Variants in CHST8 observed in about 807,000 individuals in gnomAD.
CHST8 encodes carbohydrate sulfotransferase 8, also known as GALNAC-4-ST1.
A neutral mutation model predicts 15.0 loss-of-function variants in CHST8; 10 were observed. The ratio of observed to expected loss-of-function variants is 0.67; its 90% CI spans 0.41 to 1.13. The LOEUF is 1.13. Among genes scored for constraint, CHST8 ranks in the 50% most tolerant of loss-of-function variants. The probability of loss-of-function intolerance (pLI) is 0.00; values close to 1 mark genes in which losing one functional copy is unlikely to be tolerated. For missense variants in CHST8, 634 were observed against 608.2 expected (o/e 1.04, Z -0.45); for synonymous variants, 259 against 256.6 (o/e 1.01, Z -0.09).
chr19:33,677,571 C>G (rs1972826430), intron 2 of CHST8, among the ~76,000 whole-genome samples: 1 of 152,206 alleles, frequency 6.6e-6, no homozygotes, highest in South Asian at 2.1e-4. Flanking sequence ...TCCTCCACCC[C>G]AGGGCAGCAT....
intron 3 of CHST8, among the ~76,000 whole-genome samples, chr19:33,710,064 T>G (rs776271781): frequency 3.3e-5 from 5 of 152,224 alleles, no homozygotes; most frequent in Admixed American, 1.3e-4. Context: ...CTCTAGTAAT[T>G]TATGTCTTTC....
intron 3 of CHST8, among the ~76,000 whole-genome samples, chr19:33,754,142 T>C (rs903917446): frequency 7.4e-6 from 1 of 134,746 alleles, no homozygotes; most frequent in South Asian, 2.8e-4. Context: ...CTACCTGACA[T>C]CAGTGTGCCC....
At chr19:33,709,177 C>A (rs950881715) in intron 3 of CHST8, among the ~76,000 whole-genome samples, 3 of 152,344 alleles carry the variant, frequency 2.0e-5, no homozygotes, top group Admixed American at 2.0e-4. Flanking sequence ...GAGATGTTTA[C>A]ATCGTCATTT....
At chr19:33,753,037 A>AG (rs936662038) in intron 3 of CHST8, among the ~76,000 whole-genome samples, 1 of 152,118 alleles carries the variant, frequency 6.6e-6, no homozygotes. Flanking sequence ...CCCTGCAGCC[A>AG]GGGGGGTGCA....
intron 1 of CHST8, among the ~76,000 whole-genome samples, chr19:33,659,058 A>AATTTT (rs1972550375): frequency 1.1e-5 from 1 of 87,842 alleles, no homozygotes; most frequent in African/African-American, 5.2e-5. Flanking sequence ...TTAGGTAATG[A>AATTTT]CTTTTTTTTT....
At chr19:33,676,230 T>C (rs1179972007) in intron 2 of CHST8, among the ~76,000 whole-genome samples, 1 of 152,232 alleles carries the variant, frequency 6.6e-6, no homozygotes, top group Non-Finnish European at 1.5e-5. Context: ...AATTGGAAGG[T>C]CTAAAGGTCT....
At chr19:33,691,251 A>C (rs1201992553) in intron 3 of CHST8, among the ~76,000 whole-genome samples, 2 of 152,186 alleles carry the variant, frequency 1.3e-5, no homozygotes, top group Admixed American at 1.3e-4. Context: ...TCAGGCTGGC[A>C]GGGGATGTCA....
chr19:33,723,239 T>C (rs1973835080), intron 3 of CHST8, among the ~76,000 whole-genome samples: 1 of 152,182 alleles, frequency 6.6e-6, no homozygotes, highest in East Asian at 1.9e-4. Context: ...TGAGTATTTG[T>C]TTGAGAATGT....
chr19:33,712,711 A>G (rs1973580402), intron 3 of CHST8, among the ~76,000 whole-genome samples: 1 of 152,114 alleles, frequency 6.6e-6, no homozygotes, highest in Admixed American at 6.5e-5. Flanking sequence ...ACAGGAGCCT[A>G]AGGGTGGGAG....
intron 2 of CHST8, among the ~76,000 whole-genome samples, chr19:33,682,283 C>G (rs1273577230): frequency 6.7e-6 from 1 of 150,186 alleles, no homozygotes; most frequent in Non-Finnish European, 1.5e-5. Context: ...ACCTCTGCCT[C>G]CCAGGTTCAA....
chr19:33,667,221 A>G (rs1022804761), intron 1 of CHST8, among the ~76,000 whole-genome samples: 4 of 152,126 alleles, frequency 2.6e-5, no homozygotes, highest in African/African-American at 9.7e-5. Flanking sequence ...CCACAAGTGG[A>G]TGTTGCCCAG....
At chr19:33,678,685 G>T (rs1239767915) in intron 2 of CHST8, among the ~76,000 whole-genome samples, 1 of 152,174 alleles carries the variant, frequency 6.6e-6, no homozygotes, top group African/African-American at 2.4e-5. Context: ...GCTGCAGTGA[G>T]CCATGATTGC....
intron 1 of CHST8, among the ~76,000 whole-genome samples, chr19:33,640,498 T>C (rs975652520): frequency 2.0e-5 from 3 of 152,224 alleles, no homozygotes; most frequent in African/African-American, 7.2e-5. Flanking sequence ...CTCTGTGGCC[T>C]TGAGAGCCCA....
intron 1 of CHST8, among the ~76,000 whole-genome samples, chr19:33,643,441 G>C (rs1972309183): frequency 6.6e-6 from 1 of 152,196 alleles, no homozygotes; most frequent in Non-Finnish European, 1.5e-5. Context: ...CCGTGTTCTG[G>C]AGGCAGCCAC....
chr19:33,640,473 C>T (rs893229969), intron 1 of CHST8, among the ~76,000 whole-genome samples: 16 of 152,274 alleles, frequency 1.1e-4, no homozygotes, highest in African/African-American at 3.6e-4. Flanking sequence ...TCCCCGACCT[C>T]TCACTCACCT....
At chr19:33,679,369 T>A (rs770824528) in intron 2 of CHST8, among the ~76,000 whole-genome samples, 1 of 152,160 alleles carries the variant, frequency 6.6e-6, no homozygotes, top group Non-Finnish European at 1.5e-5. Flanking sequence ...GCAGCTCAGG[T>A]GGGGAGAGAT....
At chr19:33,640,093 C>T (rs1226034831) in intron 1 of CHST8, among the ~76,000 whole-genome samples, 1 of 152,140 alleles carries the variant, frequency 6.6e-6, no homozygotes, top group Non-Finnish European at 1.5e-5. Context: ...CCGCCCACCT[C>T]GGCTTCCCAA....
At chr19:33,752,407 G>A (rs908285053) in intron 3 of CHST8, among the ~76,000 whole-genome samples, 10 of 148,576 alleles carry the variant, frequency 6.7e-5, no homozygotes, top group Admixed American at 3.4e-4. Context: ...TCCCTGATCC[G>A]CCACATAAGA....
intron 3 of CHST8, among the ~76,000 whole-genome samples, chr19:33,754,172 C>A (rs931256931): frequency 6.9e-6 from 1 of 145,876 alleles, no homozygotes; most frequent in Admixed American, 6.9e-5. Context: ...ATCTCCCCAT[C>A]ATCAGTGCAT....
Sources: gnomAD v4.1 joint callset for allele counts (sites outside exome capture counted in the v4.1 genomes callset) on GRCh38, gnomAD v4.1.1 for gene constraint, MANE v1.5 for transcripts, NCBI Gene and HGNC (gene_info 2026-07-23, HGNC 2026-07-21) for gene names.